The following CHAD variants were observed in gnomAD, a reference collection of about 807,000 sequenced individuals.
CHAD encodes chondroadherin.
Under a neutral mutation model 24.0 loss-of-function variants are expected in CHAD, and 18 were observed. That is an observed-to-expected ratio of 0.75 (90% CI 0.52 to 1.11). The LOEUF is 1.11. CHAD is among the 50% of genes most tolerant of loss of function. The pLI, the probability that CHAD is intolerant of heterozygous loss-of-function variation, is 0.00. For synonymous variants in CHAD, 195 were observed against 211.6 expected, an observed-to-expected ratio of 0.92 and a Z score of 0.68; for missense variants, 440 against 467.2, an observed-to-expected ratio of 0.94 and a Z score of 0.54.
chr17:50,465,862 A>G lies in CHAD; in HGVS notation c.783T>C (p.Asp261=). ...GCGTGGTTACACCCAGGAAGGCACCATCTGAGAACTGGGGAGCAAGGTGGG... is the reference window on the plus strand; with the variant it reads ...GCGTGGTTACACCCAGGAAGGCACCGTCTGAGAACTGGGGAGCAAGGTGGG... ...LDNTNLEKFS[D]GAFLGVTTLK... The change falls in exon 2 of 4, where the codon GAT becomes GAC. Residue 261 remains aspartate, a synonymous_variant. Transcript: ENST00000508540. 6.2e-7 allele frequency: 1 copy of G among 1,613,860 alleles called. No individual in the cohort carries two copies. The highest frequency in any genetic ancestry group is 1.1e-5 in the South Asian group (1 of 91,056).
At chr17:50,465,132 CT>C in intron 3 of CHAD, 83 bp from the exon 4 acceptor site, 1 of 746,992 alleles carries the variant, frequency 1.3e-6, no homozygotes, top group Non-Finnish European at 2.2e-6. Flanking sequence ...TGGGCAGGAC[CT>C]TTTCCTCCCT....
Position 50,468,136 on chromosome 17 carries a change from C to G in CHAD, c.678G>C (p.Leu226=), listed in dbSNP as rs139473046. 18 of 1,614,004 alleles carry G rather than the reference C, an allele frequency of 1.1e-5. No individual in the cohort carries two copies. The highest frequency in any genetic ancestry group is 1.5e-5 in the Non-Finnish European group (18 of 1,180,000). The part of the protein sequence containing the change: ...SKLRVVEELK[L]SHNPLKSIPD... ...GGATGCTTTTCAGGGGGTTGTGGGA[C>G]AGCTTCAGCTCCTCCACCACCCGTA... The change falls in exon 1 of 4, where the codon CTG becomes CTC. Residue 226 remains leucine, a synonymous_variant. Transcript: ENST00000508540.
At chr17:50,467,906 A>T in intron 1 of CHAD, 134 bp downstream of exon 1, 1 of 843,076 alleles carries the variant, frequency 1.2e-6, no homozygotes, top group South Asian at 1.9e-5. Context: ...GAGGTGGCAG[A>T]GCTGCTCACC....
intron 1 of CHAD, among the ~76,000 whole-genome samples, chr17:50,466,080 TTTTTTTTTTC>T (rs1344295296): frequency 6.6e-6 from 1 of 151,202 alleles, no homozygotes; most frequent in Non-Finnish European, 1.5e-5. Context: ...TTTCTTTTTT[TTTTTTTTTTC>T]CTTTTTTTTT....
In CHAD at chr17:50,468,723, T is replaced by C. The variant is rs746384114; in HGVS notation, c.91A>G (p.Ser31Gly). 9.3e-6 allele frequency: 15 copies of C among 1,611,378 alleles called. 1 individual carries two copies. The South Asian group carries it at 1.6e-4, about 18-fold the overall frequency. The change falls in exon 1 of 4, where the codon AGC becomes GGC. Residue 31 changes from serine to glycine, a missense_variant. Coordinates refer to ENST00000508540, the MANE Select transcript of CHAD (RefSeq NM_001267.3). Reference sequence around the variant, plus strand: ...TCGCAGATGACGTGCTGCAGGTCGCTGTGGCAGTGGCAGTTCTGGGGGCAG... The same window carrying C: ...TCGCAGATGACGTGCTGCAGGTCGCCGTGGCAGTGGCAGTTCTGGGGGCAG... ...AACPQNCHCH[S>G]DLQHVICDKV...
In CHAD at chr17:50,468,735, A is replaced by C. The variant is rs761494233; in HGVS notation, c.79T>G (p.Cys27Gly). Residue 27 changes from cysteine (C) to glycine (G), a missense_variant, in exon 1 of 4, where the codon TGC becomes GGC. Coordinates refer to ENST00000508540, the MANE Select transcript of CHAD (RefSeq NM_001267.3). ...TGCTGCAGGTCGCTGTGGCAGTGGC[A>C]GTTCTGGGGGCAGGCGGCCAGCGCC... is the stretch of plus-strand genomic sequence containing the variant. The part of the protein sequence containing the change: ...LPALAACPQN[C>G]HCHSDLQHVI... 1 of 1,609,350 alleles carries C rather than the reference A, an allele frequency of 6.2e-7. No individual in the cohort carries two copies. The highest frequency in any genetic ancestry group is 8.5e-7 in the Non-Finnish European group (1 of 1,179,238).
rs2143745429 is a variant in CHAD, at chr17:50,465,555, T to G, written c.939-116A>C. 2.7e-6 allele frequency: 4 copies of G among 1,480,440 alleles called. 1 individual carries two copies. In the Middle Eastern group the frequency reaches 7.3e-4, roughly 271 times the overall value. The allele number at this position is 1,480,440 out of a possible 1,614,324, so 91.7% of individuals were successfully genotyped here. A position where few individuals can be genotyped will look rare whatever the true frequency, so the allele number is the denominator to read the frequency against. On this transcript the variant is annotated intron_variant, in intron 2 of 3. Transcript: ENST00000508540. ...CACAGGATAGTCTGAAGCTGTCATC[T>G]TCATTTTACAAATGGGGAAACTGAG...
At chr17:50,465,163 T>TC in intron 3 of CHAD, 114 bp from the exon 4 acceptor site, 1 of 1,067,850 alleles carries the variant, frequency 9.4e-7, no homozygotes. Flanking sequence ...GACCCAGTCG[T>TC]CCCCTCCTCT....
rs1242636525 is a variant in CHAD at position 50,468,265 on chromosome 17, C to G, written c.549G>C (p.Leu183Phe). ...LRWLYLSENA[L>F]SSLQPGALDD... Reference sequence around the variant, plus strand: ...CCAGGGCCCCGGGCTGCAGGGAGCTCAACGCGTTTTCCGACAGGTAGAGCC... The same window carrying G: ...CCAGGGCCCCGGGCTGCAGGGAGCTGAACGCGTTTTCCGACAGGTAGAGCC... Residue 183 changes from leucine (L) to phenylalanine (F), a missense_variant, in exon 1 of 4, where the codon TTG becomes TTC. Coordinates refer to ENST00000508540, the MANE Select transcript of CHAD (RefSeq NM_001267.3). 3 of 1,611,232 alleles carry G rather than the reference C, an allele frequency of 1.9e-6. No homozygotes were observed. The East Asian group carries it at 6.7e-5, about 36-fold the overall frequency.
At position 50,465,943 on chromosome 17, in the gene CHAD, G is replaced by A. The variant is rs1567859649; in HGVS notation, c.775-73C>T. Reference sequence around the variant, plus strand: ...AATGAGTAAGCACCCGAGTGCCAGAGGGGCAGGATCCTTCCCTGAACCTGA... The same window carrying A: ...AATGAGTAAGCACCCGAGTGCCAGAAGGGCAGGATCCTTCCCTGAACCTGA... On this transcript the variant is annotated intron_variant, in intron 1 of 3. Transcript: ENST00000508540. The A allele has an allele frequency of 2.6e-6, 4 of 1,565,460 alleles. No homozygotes were observed. The East Asian group carries it at 9.0e-5, about 35-fold the overall frequency.
At chr17:50,465,596 T>C in intron 2 of CHAD, 111 bp downstream of exon 2, 1 of 1,487,748 alleles carries the variant, frequency 6.7e-7, no homozygotes, top group Non-Finnish European at 9.2e-7. Flanking sequence ...CAGGGTCCCA[T>C]GCTTATTAGG....
chr17:50,468,287 A>AG lies in CHAD; in HGVS notation c.526dup (p.Leu176ProfsTer125). ...GCTCAACGCGTTTTCCGACAGGTAG[A>AG]GCCAGCGCAGGTCCTTGGCTCCCTG... On this transcript the variant is annotated frameshift_variant, in exon 1 of 4. Coordinates refer to ENST00000508540, the MANE Select transcript of CHAD (RefSeq NM_001267.3). LOFTEE classifies it high-confidence loss of function. 1 of 1,613,288 alleles carries AG rather than the reference A, an allele frequency of 6.2e-7. No homozygotes were observed.
In CHAD at chr17:50,468,323, G is replaced by C; in HGVS notation, c.491C>G (p.Ala164Gly). ...LNNNKIRELRAGAFQGAKDLR... is the reference protein window; with the variant it reads ...LNNNKIRELRGGAFQGAKDLR... ...GTCCTTGGCTCCCTGGAAGGCGCCT[G>C]CGCGCAGCTCACGGATCTTGTTGTT... The change falls in exon 1 of 4, where the codon GCA becomes GGA. Residue 164 changes from alanine (A) to glycine (G), a missense_variant. Physicochemically the swap from Ala to Gly is moderately conservative, Grantham distance 60. Coordinates refer to ENST00000508540, the MANE Select transcript of CHAD (RefSeq NM_001267.3). 2 of 1,614,148 alleles carry C rather than the reference G, an allele frequency of 1.2e-6. No individual in the cohort carries two copies. The highest frequency in any genetic ancestry group is 1.7e-6 in the Non-Finnish European group (2 of 1,179,994).
Position 50,468,538 on chromosome 17 carries a change from G to T in CHAD, c.276C>A (p.Ala92=). ...GTTGCTTGAGGCCGCGGAAGGCACC[G>T]GCGGCCACCTCGCGGATCTGGCAGT... ...LQHCQIREVA[A]GAFRGLKQLI... is the part of the protein sequence containing the mutation. Residue 92 remains alanine (A), a synonymous_variant, in exon 1 of 4, where the codon GCC becomes GCA. Coordinates refer to ENST00000508540, the MANE Select transcript of CHAD (RefSeq NM_001267.3). 6.2e-7 allele frequency: 1 copy of T among 1,614,254 alleles called. No individual in the cohort carries two copies. The highest frequency in any genetic ancestry group is 8.5e-7 in the Non-Finnish European group (1 of 1,180,048).
At chr17:50,465,267 T>C (rs1466781666) in intron 3 of CHAD, 27 bp downstream of exon 3, 12 of 1,613,602 alleles carry the variant, frequency 7.4e-6, no homozygotes, top group African/African-American at 1.3e-5. Context: ...AAGAGGGACA[T>C]AGGGGACCTG....
chr17:50,468,340 CTTG>C lies in CHAD; in HGVS notation c.471_473del (p.Asn157del), dbSNP rs373246287. On this transcript the variant is annotated inframe_deletion, in exon 1 of 4. Transcript: ENST00000508540. ...AGGCGCCTGCGCGCAGCTCACGGAT[CTTG>C]TTGTTGTTGAGCTGCAAGATGAAGA... 2.7e-5 allele frequency: 44 copies of C among 1,613,942 alleles called. No individual in the cohort carries two copies. The highest frequency in any genetic ancestry group is 9.9e-5 in the South Asian group (9 of 91,062).
rs777910103 is a variant in CHAD at position 50,468,784 on chromosome 17, G to A, written c.30C>T (p.Leu10=). Residue 10 remains leucine (L), a synonymous_variant, in exon 1 of 4, where the codon CTC becomes CTT. Transcript: ENST00000508540. ...CCGGCAGCAGACCAGCCAGGAGGCC[G>A]AGGCTGAGCAAGAGCATTGGGCGGA... MVRPMLLLS[L]GLLAGLLPAL... 7 of 1,566,902 alleles carry A rather than the reference G, an allele frequency of 4.5e-6. No individual in the cohort carries two copies. The highest frequency in any genetic ancestry group is 3.7e-5 in the Admixed American group (2 of 53,614).
At position 50,468,037 on chromosome 17, in the gene CHAD, C is replaced by T; in HGVS notation, c.774+3G>A. ...AGGGCAGAGCCCACAGCCAGGAGCT[C>T]ACCTTCTCCAGGTTGGTGTTGTCCA... is the stretch of plus-strand genomic sequence containing the variant. On this transcript the variant is annotated splice_donor_region_variant and intron_variant, in intron 1 of 3. Transcript: ENST00000508540. 6.3e-7 allele frequency: 1 copy of T among 1,577,570 alleles called. No homozygotes were observed. The highest frequency in any genetic ancestry group is 8.6e-7 in the Non-Finnish European group (1 of 1,157,442).
Position 50,464,797 on chromosome 17 carries a change from C to G in CHAD, c.*257G>C. On this transcript the variant is annotated 3_prime_UTR_variant, in exon 4 of 4. Coordinates refer to ENST00000508540, the MANE Select transcript of CHAD (RefSeq NM_001267.3). ...GGGGGGGGTCTCAGCAACAGCTTCT[C>G]CAAGAGGAGCTGGAGGGTGGGGAAG... The G allele has an allele frequency of 2.9e-6, 1 of 344,980 alleles. No individual in the cohort carries two copies. Among genetic ancestry groups the G allele is most frequent in the Non-Finnish European group, 5.7e-6 (1 of 176,322 alleles). The allele number at this position is 344,980 out of a possible 1,614,324, so 21.4% of individuals were successfully genotyped here.
Sources: gnomAD v4.1 joint callset for allele counts (sites outside exome capture counted in the v4.1 genomes callset) on GRCh38, gnomAD v4.1.1 for gene constraint, MANE v1.5 for transcripts, NCBI Gene and HGNC (gene_info 2026-07-23, HGNC 2026-07-21) for gene names.